The following NTN1 variants were observed in gnomAD, a reference collection of about 807,000 sequenced individuals.
NTN1 encodes the protein netrin 1.
Under a neutral mutation model 54.2 loss-of-function variants are expected in NTN1, and 11 were observed. The observed-to-expected ratio is 0.20, with a 90% CI of 0.13 to 0.34. The LOEUF is 0.34. Ranked by LOEUF, NTN1 falls within the 10% of genes least tolerant of loss-of-function variation. The probability of loss-of-function intolerance (pLI) is 1.00; values close to 1 mark genes in which losing one functional copy is unlikely to be tolerated. For synonymous variants in NTN1, 371 were observed against 382.0 expected (o/e 0.97, Z 0.33); for missense variants, 740 against 893.1 (o/e 0.83, Z 2.18).
At chr17:9,063,152 A>C (rs1474269506) in intron 2 of NTN1, among the ~76,000 whole-genome samples, 1 of 150,580 alleles carries the variant, frequency 6.6e-6, no homozygotes, top group Non-Finnish European at 1.5e-5. Flanking sequence ...GCTGGAGTGC[A>C]GTGGCACAAT....
chr17:9,169,122 T>C (rs1245718956), intron 3 of NTN1, among the ~76,000 whole-genome samples: 1 of 150,954 alleles, frequency 6.6e-6, no homozygotes, highest in African/African-American at 2.4e-5. Flanking sequence ...TTTGGCTCCA[T>C]GTTCAGTCTA....
Position 9,227,481 on chromosome 17 carries a change from GCACA to G in NTN1, c.1486+6246_1486+6249del, listed in dbSNP as rs201621035. Among the ~76,000 whole-genome samples the G allele has an allele frequency of 2.1e-4, 27 of 126,996 alleles. No homozygotes were observed. The East Asian group carries it at 5.9e-3, about 28-fold the overall frequency. The allele number at this position is 126,996 out of a possible 152,430, so 83.3% of individuals were successfully genotyped here. On this transcript the variant is annotated intron_variant, in intron 6 of 6. Transcript: ENST00000173229. ...ACTGTCACACACAGTCACACACATA[GCACA>G]CACACATGCACATACACACCATCAC... is the stretch of plus-strand genomic sequence containing the variant.
chr17:9,218,875 A>T (rs1038150075), intron 5 of NTN1, among the ~76,000 whole-genome samples: 2 of 151,238 alleles, frequency 1.3e-5, no homozygotes, highest in Non-Finnish European at 2.9e-5. Context: ...TTTCCTCCTG[A>T]TTGGAAATGA....
intron 5 of NTN1, among the ~76,000 whole-genome samples, chr17:9,199,491 G>A (rs918851799): frequency 4.6e-5 from 7 of 152,254 alleles, no homozygotes; most frequent in African/African-American, 1.7e-4. Flanking sequence ...TGGATGGGTG[G>A]CTCCCTTCCA....
At chr17:9,061,602 G>A (rs2142207706) in intron 2 of NTN1, among the ~76,000 whole-genome samples, 1 of 152,334 alleles carries the variant, frequency 6.6e-6, no homozygotes, top group East Asian at 1.9e-4. Flanking sequence ...GTGCCCAGGT[G>A]GTGTTGATAT....
intron 1 of NTN1, among the ~76,000 whole-genome samples, 186 bp from the exon 2 acceptor site, chr17:9,022,125 G>T (rs1597460439): frequency 6.6e-6 from 1 of 152,260 alleles, no homozygotes; most frequent in South Asian, 2.1e-4. Flanking sequence ...GAAGGGGCGC[G>T]AGCGGTGCGG....
At chr17:9,006,004 AG>A in the NTN1 span, among the ~76,000 whole-genome samples, 1 of 152,220 alleles carries the variant, frequency 6.6e-6, no homozygotes, top group African/African-American at 2.4e-5. Context: ...AGCCGGCCAT[AG>A]GGGGACCCAT....
At chr17:9,231,279 G>A (rs1905799647) in intron 6 of NTN1, among the ~76,000 whole-genome samples, 1 of 138,904 alleles carries the variant, frequency 7.2e-6, no homozygotes, top group Non-Finnish European at 1.6e-5. Context: ...AGGCCTCTGA[G>A]ATACCATGGG....
chr17:9,016,647 G>A (rs117576293), upstream of NTN1, among the ~76,000 whole-genome samples: 40 of 152,300 alleles, frequency 2.6e-4, no homozygotes, highest in East Asian at 7.5e-3. Context: ...GAACAGCACA[G>A]CTCTAGCCCC....
chr17:9,146,551 A>G (rs2092313755), intron 2 of NTN1, among the ~76,000 whole-genome samples: 1 of 152,148 alleles, frequency 6.6e-6, no homozygotes, highest in South Asian at 2.1e-4. Context: ...CCTACCTCCC[A>G]TCGCCTTCTG....
intron 2 of NTN1, among the ~76,000 whole-genome samples, chr17:9,148,285 C>T (rs1309645336): frequency 6.6e-6 from 1 of 152,182 alleles, no homozygotes; most frequent in Non-Finnish European, 1.5e-5. Flanking sequence ...GAACGACAAG[C>T]TGGTGCTAAG....
rs576308781 is a variant in NTN1, at chr17:9,155,592, C to G, written c.1019-7221C>G. Among the ~76,000 whole-genome samples the G allele has an allele frequency of 3.0e-4, 46 of 152,086 alleles. No individual in the cohort carries two copies. In the South Asian group the frequency reaches 9.1e-3, roughly 30 times the overall value. ...CTGACTTCAGGTGATCCGCCCGTCT[C>G]GGCCTCCCAAAGTGCTGGGATTACA... On this transcript the variant is annotated intron_variant, in intron 2 of 6. Transcript: ENST00000173229.
chr17:9,041,590 T>C (rs994380392), intron 2 of NTN1, among the ~76,000 whole-genome samples: 2 of 152,212 alleles, frequency 1.3e-5, no homozygotes, highest in Non-Finnish European at 2.9e-5. Context: ...TTGATGGACA[T>C]TTGAGTTGTG....
chr17:9,016,514 T>C (rs1448172045), upstream of NTN1, among the ~76,000 whole-genome samples: 1 of 152,206 alleles, frequency 6.6e-6, no homozygotes, highest in Non-Finnish European at 1.5e-5. Flanking sequence ...GATAAGGGAA[T>C]TTTTCTTTAT....
In NTN1 at chr17:9,052,905, C is replaced by T. The variant is rs552480414; in HGVS notation, c.1018+29514C>T. ...GCCATATCCTTACCACCTCTCTGTCCCTGTGGCAGCTCTGGCCTCTCAATA... is the reference window on the plus strand; with the variant it reads ...GCCATATCCTTACCACCTCTCTGTCTCTGTGGCAGCTCTGGCCTCTCAATA... On this transcript the variant is annotated intron_variant, in intron 2 of 6. Coordinates refer to ENST00000173229, the MANE Select transcript of NTN1 (RefSeq NM_004822.3). Among the ~76,000 whole-genome samples, 32 of 152,312 alleles carry T rather than the reference C, an allele frequency of 2.1e-4. 1 individual carries two copies. Among genetic ancestry groups the T allele is most frequent in the South Asian group, 1.0e-3 (5 of 4,822 alleles).
At chr17:9,014,940 C>T in the NTN1 span, among the ~76,000 whole-genome samples, 2 of 152,202 alleles carry the variant, frequency 1.3e-5, no homozygotes, top group African/African-American at 4.8e-5. Flanking sequence ...CTCTACCTAC[C>T]AGTGATGTGA....
At chr17:9,183,751 A>G (rs954697763) in intron 5 of NTN1, 1 of 170,892 alleles carries the variant, frequency 5.9e-6, no homozygotes, top group Admixed American at 5.6e-5. Flanking sequence ...AGACCTGTAT[A>G]TTTTATTTTA....
intron 2 of NTN1, among the ~76,000 whole-genome samples, chr17:9,130,717 G>A (rs867780760): frequency 6.6e-6 from 1 of 152,158 alleles, no homozygotes; most frequent in East Asian, 1.9e-4. Flanking sequence ...TCAGCCCCAG[G>A]TCTGAACCCC....
At chr17:9,030,116 G>A (rs906761178) in intron 2 of NTN1, among the ~76,000 whole-genome samples, 3 of 152,184 alleles carry the variant, frequency 2.0e-5, no homozygotes, top group Admixed American at 2.0e-4. Flanking sequence ...TGGAGAGAAG[G>A]GACTGTGGCC....
Sources: gnomAD v4.1 joint callset for allele counts (sites outside exome capture counted in the v4.1 genomes callset) on GRCh38, gnomAD v4.1.1 for gene constraint, MANE v1.5 for transcripts, NCBI Gene and HGNC (gene_info 2026-07-23, HGNC 2026-07-21) for gene names.